The following WNT2B variants were observed in gnomAD, a reference collection of about 807,000 sequenced individuals.
WNT2B encodes protein Wnt-2b.
WNT2B carries 19 observed loss-of-function variants against 40.5 expected under a neutral mutation model. The ratio of observed to expected loss-of-function variants is 0.47; its 90% CI spans 0.33 to 0.69. The LOEUF (loss-of-function observed/expected upper bound fraction) is 0.69, where lower values mean the gene tolerates loss of function less well. WNT2B is among the 30% of genes least tolerant of loss of function. WNT2B has a pLI of 0.02. For missense variants in WNT2B, 467 were observed against 556.4 expected (o/e 0.84, Z 1.62); for synonymous variants, 220 against 211.9 (o/e 1.04, Z -0.33).
chr1:112,491,958 G>A lies in WNT2B; in HGVS notation c.-94-22916G>A, dbSNP rs149403848. ...ATGTATTAGGGAAAATTTAGGATAT[G>A]AGTTTCATCATCATGGGAGTGAGAA... On this transcript the variant is annotated intron_variant, in intron 1 of 4. Coordinates refer to the WNT2B transcript ENST00000256640. Among the ~76,000 whole-genome samples the A allele has an allele frequency of 1.2e-3, 186 of 152,180 alleles. 1 individual carries two copies. In the East Asian group the frequency reaches 0.017, roughly 14 times the overall value.
upstream of WNT2B, among the ~76,000 whole-genome samples, chr1:112,506,176 T>A (rs534026037): frequency 5.9e-5 from 9 of 152,196 alleles, no homozygotes; most frequent in South Asian, 1.7e-3. Flanking sequence ...CTGGCTAATT[T>A]AAAAAATTTT....
At chr1:112,500,015 T>C (rs909519018) in intron 1 of WNT2B, among the ~76,000 whole-genome samples, 2 of 152,034 alleles carry the variant, frequency 1.3e-5, no homozygotes, top group Admixed American at 1.3e-4. Flanking sequence ...AAAGGGTAGA[T>C]GGTTGGGAAA....
chr1:112,502,166 C>A (rs1651978614), intron 1 of WNT2B, among the ~76,000 whole-genome samples: 1 of 152,202 alleles, frequency 6.6e-6, no homozygotes, highest in African/African-American at 2.4e-5. Flanking sequence ...GCAGGTGCTG[C>A]GCCCGCGGGA....
At position 112,526,008 on chromosome 1, in the gene WNT2B, G is replaced by C; in HGVS notation, c.*5499G>C. Reference sequence around the variant, plus strand: ...TTGTCCAAGGTCACATGAACAGTGCGTGGCTCAGCCAGAACTCAAACCTAG... The same window carrying C: ...TTGTCCAAGGTCACATGAACAGTGCCTGGCTCAGCCAGAACTCAAACCTAG... On this transcript the variant is annotated 3_prime_UTR_variant, in exon 5 of 5. Coordinates refer to ENST00000369684, the MANE Select transcript of WNT2B (RefSeq NM_024494.3). 3 of 1,614,098 alleles carry C rather than the reference G, an allele frequency of 1.9e-6. No individual in the cohort carries two copies. The African/African-American group carries it at 4.0e-5, about 22-fold the overall frequency.
intron 1 of WNT2B, among the ~76,000 whole-genome samples, chr1:112,481,123 C>G (rs569332345): frequency 4.0e-5 from 6 of 151,120 alleles, no homozygotes; most frequent in African/African-American, 1.5e-4. Context: ...GAGCCGAGAT[C>G]GCGCCACTGC....
chr1:112,484,103 A>G (rs1349248424), intron 1 of WNT2B, among the ~76,000 whole-genome samples: 1 of 146,080 alleles, frequency 6.8e-6, no homozygotes, highest in Non-Finnish European at 1.5e-5. Context: ...TCCAAAAATT[A>G]TATATATATA....
chr1:112,496,892 C>T (rs1651793124), intron 1 of WNT2B, among the ~76,000 whole-genome samples: 1 of 152,182 alleles, frequency 6.6e-6, no homozygotes, highest in Non-Finnish European at 1.5e-5. Context: ...AGCCACTGTG[C>T]CCAGCCCAGG....
chr1:112,508,737 G>C (rs1403280336), upstream of WNT2B: 2 of 985,930 alleles, frequency 2.0e-6, no homozygotes, highest in African/African-American at 3.5e-5. The surrounding 1 kb of genome is among the most constrained non-coding windows in gnomAD (Gnocchi z 4.2). Flanking sequence ...TGGGCGCTTG[G>C]GGCGCAGGAG....
intron 1 of WNT2B, among the ~76,000 whole-genome samples, chr1:112,493,940 C>CAA (rs79773849): frequency 1.4e-4 from 20 of 138,870 alleles, no homozygotes; most frequent in African/African-American, 5.0e-4. Context: ...AAATCTAAGA[C>CAA]AAAAAAAAAA....
intron 1 of WNT2B, chr1:112,490,966 G>A: frequency 6.4e-7 from 1 of 1,564,582 alleles, no homozygotes; most frequent in Non-Finnish European, 8.8e-7. Context: ...AAAATCCATA[G>A]CATTTATTAT....
chr1:112,529,243 T>C lies in WNT2B; in HGVS notation c.*8734T>C, dbSNP rs560362366. Reference sequence around the variant, plus strand: ...ATTCTAGGTTTCTGCTTTACTTAACTGGCAAAATTTGGTGCTGTAAGGGAG... The same window carrying C: ...ATTCTAGGTTTCTGCTTTACTTAACCGGCAAAATTTGGTGCTGTAAGGGAG... On this transcript the variant is annotated 3_prime_UTR_variant, in exon 5 of 5. Coordinates refer to ENST00000369684, the MANE Select transcript of WNT2B (RefSeq NM_024494.3). 6.6e-6 allele frequency: 1 copy of C among 152,278 alleles called. No homozygotes were observed. The highest frequency in any genetic ancestry group is 2.1e-4 in the South Asian group (1 of 4,822). 9.4% of individuals were successfully genotyped at this position (152,278 alleles called of 1,614,324 possible).
intron 1 of WNT2B, chr1:112,467,736 T>G (rs1233865391): frequency 3.3e-6 from 2 of 614,914 alleles, no homozygotes; most frequent in East Asian, 5.6e-5. Context: ...ATACACGTAG[T>G]ATGTATAATG....
intron 1 of WNT2B, among the ~76,000 whole-genome samples, chr1:112,491,937 A>T (rs1651616722): frequency 6.6e-6 from 1 of 152,140 alleles, no homozygotes; most frequent in African/African-American, 2.4e-5. Flanking sequence ...TCATAAATGT[A>T]TTAGGGAAAA....
In WNT2B at chr1:112,509,345, C is replaced by G; in HGVS notation, c.83C>G (p.Ala28Gly). 1 of 1,592,382 alleles carries G rather than the reference C, an allele frequency of 6.3e-7. No homozygotes were observed. Among genetic ancestry groups the G allele is most frequent in the Non-Finnish European group, 8.5e-7 (1 of 1,176,072 alleles). The change falls in exon 1 of 5, where the codon GCG becomes GGG. Residue 28 changes from alanine to glycine, a missense_variant. Physicochemically the swap from Ala to Gly is moderately conservative, Grantham distance 60 (BLOSUM62 0). Transcript: ENST00000369684. The surrounding 1 kb of genome is among the most constrained non-coding windows in gnomAD (Gnocchi z 4.2). Reference sequence around the variant, plus strand: ...GCCCCGGTCCCTGTGCCGTCGCCCGCGGCCCCCGACGGCTCCCGGGCTTCG... The same window carrying G: ...GCCCCGGTCCCTGTGCCGTCGCCCGGGGCCCCCGACGGCTCCCGGGCTTCG... ...ASAPVPVPSP[A>G]APDGSRASAR...
At position 112,472,385 on chromosome 1, in the gene WNT2B, G is replaced by A. The variant is rs552988236; in HGVS notation, c.-95+4794G>A. Among the ~76,000 whole-genome samples, 6 of 152,282 alleles carry A rather than the reference G, an allele frequency of 3.9e-5. No individual in the cohort carries two copies. In the South Asian group the frequency reaches 1.2e-3, roughly 32 times the overall value. On this transcript the variant is annotated intron_variant, in intron 1 of 4. Coordinates refer to the WNT2B transcript ENST00000256640. ...AGAGAACCACCCAAAAGGATTAGAA[G>A]AAACTACTCAGAGATCTCATGGGAC...
chr1:112,522,367 C>T lies in WNT2B; in HGVS notation c.*1858C>T, dbSNP rs1652928799. 1 of 152,262 alleles carries T rather than the reference C, an allele frequency of 6.6e-6. No individual in the cohort carries two copies. The highest frequency in any genetic ancestry group is 2.4e-5 in the African/African-American group (1 of 41,452). The allele number at this position is 152,262 out of a possible 1,614,324, so 9.4% of individuals were successfully genotyped here. ...GTTTTAATTATGCACCAAACTCCAG[C>T]CCGCAGATCCTCTTCACCAAAGCCC... On this transcript the variant is annotated 3_prime_UTR_variant, in exon 5 of 5. Transcript: ENST00000369684.
intron 1 of WNT2B, among the ~76,000 whole-genome samples, chr1:112,469,161 A>T (rs1423879191): frequency 6.6e-6 from 1 of 152,168 alleles, no homozygotes; most frequent in African/African-American, 2.4e-5. Context: ...CCATTGGTCT[A>T]TGTGTCTGCT....
intron 1 of WNT2B, among the ~76,000 whole-genome samples, chr1:112,513,154 A>G (rs1188612884): frequency 6.6e-6 from 1 of 151,782 alleles, no homozygotes; most frequent in Non-Finnish European, 1.5e-5. Flanking sequence ...CATTGCCTAG[A>G]GCAGTACTTG....
chr1:112,473,115 AAAG>A lies in WNT2B; in HGVS notation c.-95+5527_-95+5529del, dbSNP rs1479738932. ...GGAAGGAGGAAGGAAGGAAGGGAAAAAAGAAAGAAAAAAGAGAAAGAAAGAAGA... is the reference window on the plus strand; with the variant it reads ...GGAAGGAGGAAGGAAGGAAGGGAAAAAAAGAAAAAAGAGAAAGAAAGAAGA... On this transcript the variant is annotated intron_variant, in intron 1 of 4. Transcript: ENST00000256640. 1.2e-3 allele frequency among the ~76,000 whole-genome samples: 99 copies of A among 85,982 alleles called. 1 individual carries two copies. The highest frequency in any genetic ancestry group is 2.7e-4 in the Non-Finnish European group (12 of 43,974). 56.4% of individuals were successfully genotyped at this position (85,982 alleles called of 152,430 possible).
Sources: gnomAD v4.1 joint callset for allele counts (sites outside exome capture counted in the v4.1 genomes callset) on GRCh38, gnomAD v4.1.1 for gene constraint, Gnocchi (gnomAD v3.1) non-coding constraint, MANE v1.5 for transcripts, NCBI Gene and HGNC (gene_info 2026-07-23, HGNC 2026-07-21) for gene names.